Variants in BMPER observed in about 807,000 individuals in gnomAD.
BMPER encodes BMP-binding endothelial regulator protein.
In BMPER, 45 loss-of-function variants were observed where a neutral mutation model predicts 87.3. The ratio of observed to expected loss-of-function variants is 0.52; its 90% CI spans 0.41 to 0.66. The LOEUF (loss-of-function observed/expected upper bound fraction) is 0.66, where lower values mean the gene tolerates loss of function less well. Ranked by LOEUF, BMPER falls within the 30% of genes least tolerant of loss-of-function variation. The pLI is 0.00. For synonymous variants in BMPER, 326 were observed against 316.2 expected, an observed-to-expected ratio of 1.03 and a Z score of -0.33; for missense variants, 784 against 867.5, an observed-to-expected ratio of 0.90 and a Z score of 1.21.
chr7:34,091,604 A>C (rs773434103), intron 13 of BMPER, among the ~76,000 whole-genome samples: 2 of 152,190 alleles, frequency 1.3e-5, no homozygotes, highest in Non-Finnish European at 2.9e-5. Flanking sequence ...AACACAATGA[A>C]CATCCCTGCC....
chr7:34,001,509 G>C (rs1486470803), intron 6 of BMPER, among the ~76,000 whole-genome samples: 1 of 149,594 alleles, frequency 6.7e-6, no homozygotes, highest in Non-Finnish European at 1.5e-5. Flanking sequence ...CTTTTCTACA[G>C]TCAGCAGCAA....
intron 14 of BMPER, among the ~76,000 whole-genome samples, chr7:34,147,129 A>G (rs919825012): frequency 6.6e-6 from 1 of 152,186 alleles, no homozygotes; most frequent in East Asian, 1.9e-4. Context: ...TTGCTGGGCT[A>G]TGTGAACAGT....
At position 34,061,992 on chromosome 7, in the gene BMPER, TTC is replaced by T; in HGVS notation, c.1033-8_1033-7del. The T allele has an allele frequency of 6.2e-7, 1 of 1,607,006 alleles. No individual in the cohort carries two copies. The highest frequency in any genetic ancestry group is 8.5e-7 in the Non-Finnish European group (1 of 1,176,052). On this transcript the variant is annotated splice_polypyrimidine_tract_variant and splice_region_variant and intron_variant, in intron 10 of 14. Transcript: ENST00000649409. ...AACAGTAACTTTGTATTTGTTTTTC[TTC>T]TGATTAGGGCAAAATTCTCAACAGA... is the stretch of plus-strand genomic sequence containing the variant.
intron 6 of BMPER, among the ~76,000 whole-genome samples, chr7:34,012,801 A>G (rs1210179919): frequency 1.3e-5 from 2 of 152,038 alleles, no homozygotes; most frequent in South Asian, 4.1e-4. Context: ...AAAATCAAAT[A>G]TATCAATTAT....
intron 13 of BMPER, among the ~76,000 whole-genome samples, chr7:34,090,255 AC>A (rs1211644526): frequency 6.6e-6 from 1 of 152,236 alleles, no homozygotes; most frequent in Non-Finnish European, 1.5e-5. Flanking sequence ...GAGGCAGTGT[AC>A]TGTGTACCCA....
intron 6 of BMPER, among the ~76,000 whole-genome samples, chr7:33,998,267 G>C (rs1172518601): frequency 6.6e-6 from 1 of 152,206 alleles, no homozygotes; most frequent in East Asian, 1.9e-4. Flanking sequence ...GATAAATGGA[G>C]TTACCTTGCT....
chr7:33,973,375 A>G (rs1785597889), intron 5 of BMPER, among the ~76,000 whole-genome samples: 1 of 152,250 alleles, frequency 6.6e-6, no homozygotes, highest in Non-Finnish European at 1.5e-5. Context: ...ATCACTGAGA[A>G]TACCAAGGAG....
In BMPER at chr7:34,132,530, G is replaced by A. The variant is rs561379741; in HGVS notation, c.1746-10700G>A. On this transcript the variant is annotated intron_variant, in intron 13 of 14. Coordinates refer to ENST00000649409, the MANE Select transcript of BMPER (RefSeq NM_001365308.1). ...GCCCAGCCCACAGGTTGCACACAGC[G>A]GATATTCTCTTGGTGTTTGTTGAGG... 9.9e-5 allele frequency among the ~76,000 whole-genome samples: 15 copies of A among 152,266 alleles called. No individual in the cohort carries two copies. In the South Asian group the frequency reaches 2.7e-3, roughly 27 times the overall value.
intron 13 of BMPER, among the ~76,000 whole-genome samples, chr7:34,134,805 T>C: frequency 6.6e-6 from 1 of 152,214 alleles, no homozygotes. Flanking sequence ...ATTCCATACA[T>C]GCGTGATAGC....
chr7:33,989,793 T>TAA (rs1786149357), intron 6 of BMPER, among the ~76,000 whole-genome samples: 1 of 152,218 alleles, frequency 6.6e-6, no homozygotes, highest in African/African-American at 2.4e-5. Context: ...GATTTTTGTA[T>TAA]AAGGTGTAAG....
intron 13 of BMPER, among the ~76,000 whole-genome samples, chr7:34,114,054 GA>G (rs1382338874): frequency 1.3e-5 from 2 of 152,126 alleles, no homozygotes; most frequent in Non-Finnish European, 2.9e-5. Context: ...TAGAGGGAGG[GA>G]GACAATTCCT....
intron 11 of BMPER, among the ~76,000 whole-genome samples, chr7:34,067,968 T>G (rs1287612770): frequency 3.9e-5 from 6 of 152,240 alleles, no homozygotes; most frequent in Non-Finnish European, 1.5e-5. Context: ...AGGGTGTTAG[T>G]ACTCAGTAAG....
At chr7:34,057,614 A>G (rs1239472359) in intron 9 of BMPER, among the ~76,000 whole-genome samples, 3 of 152,158 alleles carry the variant, frequency 2.0e-5, no homozygotes, top group Non-Finnish European at 4.4e-5. Flanking sequence ...CTGGTAATTA[A>G]CCACCTCTGG....
In BMPER at chr7:34,015,375, C is replaced by T. The variant is rs896213021; in HGVS notation, c.577-30931C>T. Among the ~76,000 whole-genome samples the T allele has an allele frequency of 3.3e-5, 5 of 151,950 alleles. 1 individual carries two copies. In the South Asian group the frequency reaches 6.2e-4, roughly 19 times the overall value. On this transcript the variant is annotated intron_variant, in intron 6 of 14. Coordinates refer to ENST00000649409, the MANE Select transcript of BMPER (RefSeq NM_001365308.1). The stretch of plus-strand genomic sequence containing the variant: ...AAGCTCTTAGAAGAGTAACCTAATA[C>T]GAAGTAAAATGTATAAAAGTGAAAA...
chr7:33,905,560 AGCAGAGGCGGCGGC>A lies in BMPER; in HGVS notation c.-51_-38del. 1 of 1,601,524 alleles carries A rather than the reference AGCAGAGGCGGCGGC, an allele frequency of 6.2e-7. No homozygotes were observed. Among genetic ancestry groups the A allele is most frequent in the African/African-American group, 1.3e-5 (1 of 74,478 alleles). On this transcript the variant is annotated 5_prime_UTR_variant, in exon 1 of 15. Coordinates refer to ENST00000649409, the MANE Select transcript of BMPER (RefSeq NM_001365308.1). ...TTTCGACTGTGAGCTGCGGCAGCTG[AGCAGAGGCGGCGGC>A]GCGGGACCTGCAGTCGCCAGGGATT... is the stretch of plus-strand genomic sequence containing the variant.
At chr7:34,059,038 A>AC (rs895087720) in intron 10 of BMPER, among the ~76,000 whole-genome samples, 6 of 151,600 alleles carry the variant, frequency 4.0e-5, no homozygotes, top group African/African-American at 1.5e-4. Flanking sequence ...AAAAAAAAAA[A>AC]CCCTAATTAG....
intron 6 of BMPER, among the ~76,000 whole-genome samples, chr7:34,045,994 CAGAG>C (rs1313198503): frequency 2.0e-5 from 3 of 152,196 alleles, no homozygotes; most frequent in Admixed American, 1.3e-4. Context: ...CCCAAGCAAA[CAGAG>C]AGAGTTTTGA....
intron 6 of BMPER, among the ~76,000 whole-genome samples, chr7:34,031,337 C>G (rs1447365359): frequency 6.6e-6 from 1 of 152,070 alleles, no homozygotes; most frequent in Non-Finnish European, 1.5e-5. Flanking sequence ...CCCCCAGCCT[C>G]CAAACAAACC....
At chr7:34,049,340 T>A (rs1427601547) in intron 7 of BMPER, among the ~76,000 whole-genome samples, 1 of 152,218 alleles carries the variant, frequency 6.6e-6, no homozygotes. Context: ...GGTAAAATTT[T>A]CATTTTAGTG....
Sources: allele counts gnomAD v4.1 joint callset (sites outside exome capture counted in the v4.1 genomes callset), GRCh38; gene constraint gnomAD v4.1.1; transcripts MANE v1.5; gene names NCBI Gene and HGNC (gene_info 2026-07-23, HGNC 2026-07-21).